The following CDKAL1 variants were observed in gnomAD, a reference collection of about 807,000 sequenced individuals.
CDKAL1 encodes CDKAL1 threonylcarbamoyladenosine tRNA methylthiotransferase, also known as threonylcarbamoyladenosine tRNA methylthiotransferase.
Under a neutral mutation model 68.2 loss-of-function variants are expected in CDKAL1, and 32 were observed. That is an observed-to-expected ratio of 0.47 (90% CI 0.35 to 0.63). The LOEUF is 0.63. CDKAL1 is among the 30% of genes least tolerant of loss of function. CDKAL1 has a pLI of 0.00. For missense variants in CDKAL1, 606 were observed against 696.7 expected, an observed-to-expected ratio of 0.87 and a Z score of 1.47; for synonymous variants, 234 against 244.3, an observed-to-expected ratio of 0.96 and a Z score of 0.39.
chr6:20,625,906 G>C (rs1032876247), intron 4 of CDKAL1, among the ~76,000 whole-genome samples: 1 of 152,092 alleles, frequency 6.6e-6, no homozygotes, highest in Non-Finnish European at 1.5e-5. Context: ...TACTAGCTTA[G>C]GCTTAAAACA....
At chr6:20,577,508 C>A (rs1764963101) in intron 4 of CDKAL1, among the ~76,000 whole-genome samples, 1 of 152,182 alleles carries the variant, frequency 6.6e-6, no homozygotes, top group African/African-American at 2.4e-5. Context: ...AGATGTCTGT[C>A]ACCTCTACCA....
intron 10 of CDKAL1, among the ~76,000 whole-genome samples, chr6:20,991,604 G>A (rs1365474953): frequency 2.6e-5 from 4 of 151,316 alleles, no homozygotes; most frequent in Non-Finnish European, 4.4e-5. Context: ...CTACTCGAGA[G>A]GCTGAGGCAG....
intron 6 of CDKAL1, among the ~76,000 whole-genome samples, chr6:20,742,519 T>C (rs1213925220): frequency 6.6e-6 from 1 of 152,146 alleles, no homozygotes; most frequent in Non-Finnish European, 1.5e-5. Context: ...TGTATTCTTA[T>C]TTTTTGATGT....
chr6:20,701,361 G>C (rs900168006), intron 5 of CDKAL1, among the ~76,000 whole-genome samples: 1 of 151,644 alleles, frequency 6.6e-6, no homozygotes, highest in Non-Finnish European at 1.5e-5. Flanking sequence ...CCGATGAATG[G>C]CAGTGCTGGG....
chr6:20,979,752 T>G (rs1766016727), intron 10 of CDKAL1, among the ~76,000 whole-genome samples: 1 of 147,878 alleles, frequency 6.8e-6, no homozygotes, highest in Non-Finnish European at 1.5e-5. Context: ...TATATTGATA[T>G]TAAAATTTTT....
chr6:20,546,376 T>C lies in CDKAL1; in HGVS notation c.26T>C (p.Leu9Pro). Reference protein sequence around the residue: MPSASCDTLLDDIEDIVSQ... With the variant: MPSASCDTPLDDIEDIVSQ... ...ATGCCTTCTGCATCCTGTGATACAC[T>C]ACTGGATGACATCGAAGATATCGTG... Residue 9 changes from leucine to proline, a missense_variant, in exon 3 of 16, where the codon CTA (leucine) becomes CCA (proline). By Grantham distance (98) the Leu-to-Pro change is moderately conservative. Transcript: ENST00000274695. 1 of 1,613,600 alleles carries C rather than the reference T, an allele frequency of 6.2e-7. No individual in the cohort carries two copies. Among genetic ancestry groups the C allele is most frequent in the Non-Finnish European group, 8.5e-7 (1 of 1,179,544 alleles).
intron 9 of CDKAL1, among the ~76,000 whole-genome samples, chr6:20,905,629 T>G (rs150198280): frequency 6.6e-6 from 1 of 152,106 alleles, no homozygotes; most frequent in African/African-American, 2.4e-5. Context: ...GAGACCCACA[T>G]CGAGACACAT....
rs139011137 is a variant in CDKAL1 at position 20,893,711 on chromosome 6, A to C, written c.742+47533A>C. On this transcript the variant is annotated intron_variant, in intron 9 of 15. Coordinates refer to ENST00000274695, the MANE Select transcript of CDKAL1 (RefSeq NM_017774.3). ...TAATAAATTTAGCATCTCCATCCTC[A>C]ATTGCCTATTCTGCAAAATGAGGAT... Among the ~76,000 whole-genome samples the C allele has an allele frequency of 2.3e-3, 356 of 152,314 alleles. 2 individuals are homozygous for C. The highest frequency in any genetic ancestry group is 0.017 in the Middle Eastern group (5 of 294).
intron 9 of CDKAL1, among the ~76,000 whole-genome samples, chr6:20,911,355 T>C (rs1334599814): frequency 6.6e-6 from 1 of 152,206 alleles, no homozygotes. Context: ...TGCCCACCAG[T>C]GTATAACATT....
At chr6:20,679,284 T>G (rs1218887182) in intron 5 of CDKAL1, among the ~76,000 whole-genome samples, 1 of 152,246 alleles carries the variant, frequency 6.6e-6, no homozygotes, top group East Asian at 1.9e-4. Context: ...TATTCCTGAC[T>G]TTTGCCAACC....
In CDKAL1 at chr6:20,723,325, G is replaced by A. The variant is rs577708370; in HGVS notation, c.372-16194G>A. 4.2e-4 allele frequency among the ~76,000 whole-genome samples: 64 copies of A among 152,352 alleles called. No individual in the cohort carries two copies. The South Asian group carries it at 6.2e-3, about 15-fold the overall frequency. ...AGAAGCACTGTATCACCCCCTCTGG[G>A]GCTTTGGGGTCATGGGCATCCTCAC... is the stretch of plus-strand genomic sequence containing the variant. On this transcript the variant is annotated intron_variant, in intron 5 of 15. Transcript: ENST00000274695.
intron 4 of CDKAL1, among the ~76,000 whole-genome samples, chr6:20,574,688 A>G (rs1281354532): frequency 6.6e-6 from 1 of 152,094 alleles, no homozygotes; most frequent in African/African-American, 2.4e-5. Flanking sequence ...GTTTCATTAT[A>G]TATTTTTGTT....
chr6:20,668,281 T>C (rs73732713), intron 5 of CDKAL1, among the ~76,000 whole-genome samples: 9,852 of 152,272 alleles, frequency 0.065, 1,022 homozygotes, highest in African/African-American at 0.22. Flanking sequence ...TTGGTAATAA[T>C]TGGCATTATA....
At chr6:20,761,130 G>A (rs941360200) in intron 7 of CDKAL1, among the ~76,000 whole-genome samples, 5 of 152,178 alleles carry the variant, frequency 3.3e-5, no homozygotes, top group Non-Finnish European at 5.9e-5. Context: ...AAGAAGATAT[G>A]CAAATGTCAA....
At chr6:20,802,254 C>T (rs1010360039) in intron 8 of CDKAL1, among the ~76,000 whole-genome samples, 5 of 151,402 alleles carry the variant, frequency 3.3e-5, no homozygotes, top group African/African-American at 9.7e-5. Context: ...GCCGAGATTG[C>T]GCCGCTGCAC....
At chr6:21,016,612 TCATCCATCCATCCATC>T (rs3061573) in intron 11 of CDKAL1, among the ~76,000 whole-genome samples, 13,397 of 144,052 alleles carry the variant, frequency 0.093, 781 homozygotes, top group Middle Eastern at 0.17. Flanking sequence ...CGCCTTCCAT[TCATCCATCCATCCATC>T]CATCCATCCA....
Position 20,786,850 on chromosome 6 carries a change from T to G in CDKAL1, c.638+5585T>G, listed in dbSNP as rs182761463. On this transcript the variant is annotated intron_variant, in intron 8 of 15. Coordinates refer to ENST00000274695, the MANE Select transcript of CDKAL1 (RefSeq NM_017774.3). The stretch of plus-strand genomic sequence containing the variant: ...ATACGGTGTGGAGACGGGTAGGAGG[T>G]AGTGTAGGGGACAAAAGTAAAAAAT... Among the ~76,000 whole-genome samples the G allele has an allele frequency of 2.7e-4, 41 of 151,900 alleles. 1 individual carries two copies. Among genetic ancestry groups the G allele is most frequent in the African/African-American group, 9.4e-4 (39 of 41,396 alleles).
intron 10 of CDKAL1, among the ~76,000 whole-genome samples, chr6:20,984,813 G>GGA (rs1554152551): frequency 8.2e-6 from 1 of 121,252 alleles, no homozygotes; most frequent in African/African-American, 4.0e-5. Flanking sequence ...CACAGTAACG[G>GGA]GGGGGGGTGG....
intron 4 of CDKAL1, among the ~76,000 whole-genome samples, chr6:20,585,672 C>G (rs1023654007): frequency 6.6e-6 from 1 of 152,198 alleles, no homozygotes; most frequent in Non-Finnish European, 1.5e-5. Flanking sequence ...CTGGACACTA[C>G]TCCCCCTTGC....
Sources: gnomAD v4.1 joint callset for allele counts (sites outside exome capture counted in the v4.1 genomes callset) on GRCh38, gnomAD v4.1.1 for gene constraint, MANE v1.5 for transcripts, NCBI Gene and HGNC (gene_info 2026-07-23, HGNC 2026-07-21) for gene names.